The following RPS26 variants were observed in gnomAD, a reference collection of about 807,000 sequenced individuals.
The protein encoded by RPS26 is ribosomal protein S26.
In RPS26, 1 loss-of-function variant was observed where a neutral mutation model predicts 14.7. The observed-to-expected ratio is 0.07, with a 90% CI of 0.02 to 0.32. RPS26 has a LOEUF of 0.32. RPS26 is among the 10% of genes least tolerant of loss of function. The pLI, the probability that RPS26 is intolerant of heterozygous loss-of-function variation, is 1.00. For missense variants in RPS26, 63 were observed against 157.7 expected, an observed-to-expected ratio of 0.40 and a Z score of 3.22; for synonymous variants, 59 against 53.1, an observed-to-expected ratio of 1.11 and a Z score of -0.48.
intron 2 of RPS26, 162 bp downstream of exon 2, chr12:56,042,764 A>G (rs1895906870): frequency 2.8e-6 from 2 of 709,734 alleles, no homozygotes; most frequent in Non-Finnish European, 2.5e-6. Flanking sequence ...TGCCGTTTTG[A>G]TTCTTTTCTG....
At chr12:56,042,690 T>C (rs1384405021) in intron 2 of RPS26, 88 bp downstream of exon 2, 1 of 1,040,136 alleles carries the variant, frequency 9.6e-7, no homozygotes, top group Non-Finnish European at 1.5e-6. Flanking sequence ...CTCTGTTCTT[T>C]GGAGCCTCTC....
chr12:56,041,989 G>T lies in RPS26; in HGVS notation c.-178G>T, dbSNP rs1019948549. 4 of 710,620 alleles carry T rather than the reference G, an allele frequency of 5.6e-6. No homozygotes were observed. The highest frequency in any genetic ancestry group is 5.2e-5 in the African/African-American group (3 of 57,462). 44.0% of individuals were successfully genotyped at this position (710,620 alleles called of 1,614,324 possible). On this transcript the variant is annotated 5_prime_UTR_variant, in exon 1 of 4. Coordinates refer to ENST00000646449, the MANE Select transcript of RPS26 (RefSeq NM_001029.5). ...CCATGGATAAATAAACACTAGGAACGCATTTCCACCCTAGATTTCAGCAGA... is the reference window on the plus strand; with the variant it reads ...CCATGGATAAATAAACACTAGGAACTCATTTCCACCCTAGATTTCAGCAGA...
In RPS26 at chr12:56,042,164, A is replaced by G. The variant is rs181174349; in HGVS notation, c.-3A>G. The G allele has an allele frequency of 6.8e-4, 1,090 of 1,614,080 alleles. 6 individuals carry two copies. The highest frequency in any genetic ancestry group is 3.1e-3 in the Middle Eastern group (19 of 6,062). ...TCTCCTCTCTCCGGTCCGTGCCTCC[A>G]AGATGGTGAGTCTTCTTGCGTGGTG... On this transcript the variant is annotated 5_prime_UTR_variant, in exon 1 of 4. Coordinates refer to ENST00000646449, the MANE Select transcript of RPS26 (RefSeq NM_001029.5).
At chr12:56,043,600 G>A (rs1895922056) in intron 3 of RPS26, 107 bp downstream of exon 3, 1 of 1,152,208 alleles carries the variant, frequency 8.7e-7, no homozygotes, top group East Asian at 2.4e-5. Flanking sequence ...TGGGAGGCTG[G>A]GACAAGAAGA....
chr12:56,043,073 T>C (rs1320290076), intron 2 of RPS26: 1 of 426,688 alleles, frequency 2.3e-6, no homozygotes, highest in Non-Finnish European at 4.4e-6. Context: ...CGGGTGTAGG[T>C]GTAGAAGGAA....
chr12:56,043,833 C>T (rs956388112), intron 3 of RPS26, among the ~76,000 whole-genome samples: 11 of 151,720 alleles, frequency 7.3e-5, no homozygotes, highest in African/African-American at 2.7e-4. Context: ...AAAGTTGCTT[C>T]CTCCTGTGGT....
chr12:56,043,732 G>A (rs142130895), intron 3 of RPS26, among the ~76,000 whole-genome samples: 1 of 152,096 alleles, frequency 6.6e-6, no homozygotes, highest in African/African-American at 2.4e-5. Context: ...GATCACTTGA[G>A]CCCAGGAGTT....
Position 56,043,496 on chromosome 12 carries a change from G to C in RPS26, c.312+3G>C. ...CCCCACCCCGATTTAGACCTGCGGTGAGTATTTTAAAAGGAGAATGGAAGC... is the reference window on the plus strand; with the variant it reads ...CCCCACCCCGATTTAGACCTGCGGTCAGTATTTTAAAAGGAGAATGGAAGC... On this transcript the variant is annotated splice_donor_region_variant and intron_variant, in intron 3 of 3. Coordinates refer to ENST00000646449, the MANE Select transcript of RPS26 (RefSeq NM_001029.5). 1 of 1,613,820 alleles carries C rather than the reference G, an allele frequency of 6.2e-7. No homozygotes were observed. The highest frequency in any genetic ancestry group is 8.5e-7 in the Non-Finnish European group (1 of 1,179,928).
Position 56,044,016 on chromosome 12 carries a change from C to T in RPS26, c.313-103C>T. On this transcript the variant is annotated intron_variant, in intron 3 of 3. Coordinates refer to ENST00000646449, the MANE Select transcript of RPS26 (RefSeq NM_001029.5). The stretch of plus-strand genomic sequence containing the variant: ...TATCAGCTTCCCATGCATTTGTAGC[C>T]TGAATACATCAGTTTGTGAGAGGAT... 3.0e-6 allele frequency: 3 copies of T among 984,492 alleles called. No homozygotes were observed. The South Asian group carries it at 3.8e-5, about 13-fold the overall frequency. The allele number at this position is 984,492 out of a possible 1,614,324, so 61.0% of individuals were successfully genotyped here. A position where few individuals can be genotyped will look rare whatever the true frequency, so the allele number is the denominator to read the frequency against.
intron 2 of RPS26, 93 bp downstream of exon 2, chr12:56,042,695 C>T (rs1895905652): frequency 5.0e-6 from 5 of 992,194 alleles, no homozygotes; most frequent in Non-Finnish European, 7.9e-6. Flanking sequence ...TTCTTTGGAG[C>T]CTCTCAGGCA....
In RPS26 at chr12:56,044,266, TTG is replaced by T; in HGVS notation, c.*118_*119del. 4 of 842,008 alleles carry T rather than the reference TTG, an allele frequency of 4.8e-6. No homozygotes were observed. Among genetic ancestry groups the T allele is most frequent in the Non-Finnish European group, 8.0e-6 (4 of 496,904 alleles). 52.2% of individuals were successfully genotyped at this position (842,008 alleles called of 1,614,324 possible). A position where few individuals can be genotyped will look rare whatever the true frequency, so the allele number is the denominator to read the frequency against. On this transcript the variant is annotated 3_prime_UTR_variant, in exon 4 of 4. Transcript: ENST00000646449. ...ATCTGTGCCAGATAAGGTGGGGATT[TTG>T]TGTGTTAGACCAAGTGTGAAGTGAC...
At chr12:56,043,203 T>C in intron 2 of RPS26, 160 bp from the exon 3 acceptor site, 1 of 670,834 alleles carries the variant, frequency 1.5e-6, no homozygotes, top group Non-Finnish European at 2.7e-6. Flanking sequence ...GCTCAGGTAT[T>C]GGGCTGAACA....
In RPS26 at chr12:56,042,833, T is replaced by G; in HGVS notation, c.181+231T>G. 4 of 592,990 alleles carry G rather than the reference T, an allele frequency of 6.7e-6. No homozygotes were observed. In the East Asian group the frequency reaches 8.6e-5, roughly 13 times the overall value. The allele number at this position is 592,990 out of a possible 1,614,324, so 36.7% of individuals were successfully genotyped here. A position where few individuals can be genotyped will look rare whatever the true frequency, so the allele number is the denominator to read the frequency against. ...CTTTACTCTGAGGTAAAGGTTTGCC[T>G]GTTTCGGTTATGAGATTGCAAAAAC... is the stretch of plus-strand genomic sequence containing the variant. On this transcript the variant is annotated intron_variant, in intron 2 of 3. Transcript: ENST00000646449.
chr12:56,041,979 C>T lies in RPS26; in HGVS notation c.-188C>T. 1.4e-6 allele frequency: 1 copy of T among 692,712 alleles called. No individual in the cohort carries two copies. Among genetic ancestry groups the T allele is most frequent in the Middle Eastern group, 2.5e-4 (1 of 4,012 alleles). The allele number at this position is 692,712 out of a possible 1,614,324, so 42.9% of individuals were successfully genotyped here. A position where few individuals can be genotyped will look rare whatever the true frequency, so the allele number is the denominator to read the frequency against. Reference sequence around the variant, plus strand: ...GCACTTTGTTCCATGGATAAATAAACACTAGGAACGCATTTCCACCCTAGA... The same window carrying T: ...GCACTTTGTTCCATGGATAAATAAATACTAGGAACGCATTTCCACCCTAGA... On this transcript the variant is annotated 5_prime_UTR_variant, in exon 1 of 4. Coordinates refer to ENST00000646449, the MANE Select transcript of RPS26 (RefSeq NM_001029.5).
chr12:56,044,101 T>A lies in RPS26; in HGVS notation c.313-18T>A, dbSNP rs773589045. On this transcript the variant is annotated intron_variant, in intron 3 of 3. Transcript: ENST00000646449. ...ATCCATGGGTTTTAATTTACTCTTTTGTTTCTTTGTCTTTCAGGGTGCTGC... is the reference window on the plus strand; with the variant it reads ...ATCCATGGGTTTTAATTTACTCTTTAGTTTCTTTGTCTTTCAGGGTGCTGC... 6.2e-7 allele frequency: 1 copy of A among 1,612,232 alleles called. No homozygotes were observed. Among genetic ancestry groups the A allele is most frequent in the Non-Finnish European group, 8.5e-7 (1 of 1,178,314 alleles).
chr12:56,044,319 G>T lies in RPS26; in HGVS notation c.*165G>T. On this transcript the variant is annotated 3_prime_UTR_variant, in exon 4 of 4. Coordinates refer to ENST00000646449, the MANE Select transcript of RPS26 (RefSeq NM_001029.5). ...ACACATTATTTTCATGGGGAAGAAA[G>T]CTTATTCATGTAATTTAATTTTTTT... The T allele has an allele frequency of 3.6e-6, 2 of 556,180 alleles. No homozygotes were observed. Among genetic ancestry groups the T allele is most frequent in the East Asian group, 3.2e-5 (1 of 31,714 alleles). 34.5% of individuals were successfully genotyped at this position (556,180 alleles called of 1,614,324 possible). A position where few individuals can be genotyped will look rare whatever the true frequency, so the allele number is the denominator to read the frequency against.
Position 56,044,139 on chromosome 12 carries a change from A to T in RPS26, c.333A>T (p.Pro111=), listed in dbSNP as rs1179423823. The T allele has an allele frequency of 1.9e-6, 3 of 1,613,112 alleles. No homozygotes were observed. The South Asian group carries it at 3.3e-5, about 18-fold the overall frequency. ...TTCAGGGTGCTGCCCCACGTCCCCCACCAAAGCCCATGTAAGGAGCTGAGT... is the reference window on the plus strand; with the variant it reads ...TTCAGGGTGCTGCCCCACGTCCCCCTCCAAAGCCCATGTAAGGAGCTGAGT... ...FRPAGAAPRP[P]PKPM The change falls in exon 4 of 4, where the codon CCA becomes CCT. Residue 111 remains proline (P), a synonymous_variant. Transcript: ENST00000646449.
chr12:56,042,282 T>C lies in RPS26; in HGVS notation c.3+113T>C. On this transcript the variant is annotated intron_variant, in intron 1 of 3. Transcript: ENST00000646449. ...TGGACCGAGTGTACATTTCATTTGC[T>C]CTGGGGGTCGGCGGGATTTGCGGAG... The C allele has an allele frequency of 3.3e-6, 5 of 1,530,540 alleles. No homozygotes were observed. In the African/African-American group the frequency reaches 4.1e-5, roughly 12 times the overall value. 94.8% of individuals were successfully genotyped at this position (1,530,540 alleles called of 1,614,324 possible).
At chr12:56,043,263 A>C in intron 2 of RPS26, 100 bp from the exon 3 acceptor site, 1 of 1,173,604 alleles carries the variant, frequency 8.5e-7, no homozygotes, top group African/African-American at 1.5e-5. Context: ...AAATAGGTTT[A>C]GTTTTAATTG....
Sources: allele counts gnomAD v4.1 joint callset (sites outside exome capture counted in the v4.1 genomes callset), GRCh38; gene constraint gnomAD v4.1.1; transcripts MANE v1.5; gene names NCBI Gene and HGNC (gene_info 2026-07-23, HGNC 2026-07-21).